The following PDIA4 variants were observed in gnomAD, a reference collection of about 807,000 sequenced individuals.
PDIA4 encodes protein disulfide isomerase family A member 4, also known as protein disulfide-isomerase A4.
In PDIA4, 33 loss-of-function variants were observed where a neutral mutation model predicts 62.1. The observed-to-expected ratio is 0.53, with a 90% CI of 0.40 to 0.71. The LOEUF is 0.71. PDIA4 is among the 30% of genes least tolerant of loss of function. The pLI, the probability that PDIA4 is intolerant of heterozygous loss-of-function variation, is 0.00. For synonymous variants in PDIA4, 341 were observed against 324.1 expected (o/e 1.05, Z -0.56); for missense variants, 804 against 813.6 (o/e 0.99, Z 0.14).
chr7:149,027,790 C>CA, intron 1 of PDIA4: 1 of 460,778 alleles, frequency 2.2e-6, no homozygotes, highest in Admixed American at 2.4e-5. Flanking sequence ...CTCAAAGGTG[C>CA]AAACCAAGCC....
rs369248381 is a variant in PDIA4, at chr7:149,012,178, T to C, written c.797A>G (p.Tyr266Cys). 7.4e-6 allele frequency: 12 copies of C among 1,614,170 alleles called. No individual in the cohort carries two copies. Among genetic ancestry groups the C allele is most frequent in the African/African-American group, 1.3e-5 (1 of 75,022 alleles). The change falls in exon 5 of 10, where the codon TAC becomes TGC. Residue 266 changes from tyrosine (Y) to cysteine (C), a missense_variant. Tyr to Cys is a radical substitution (Grantham distance 194). Coordinates refer to ENST00000652332, the MANE Select transcript of PDIA4 (RefSeq NM_004911.5). The stretch of plus-strand genomic sequence containing the variant: ...ACCATATTTTTCTCGTGGGCCGTTG[T>C]AGTCATAAGGCCTTCCTTTGCGGAA... ...KIFRKGRPYD[Y>C]NGPREKYGIV... is the part of the protein sequence containing the mutation.
chr7:149,011,202 A>G (rs1823932399), intron 6 of PDIA4, among the ~76,000 whole-genome samples: 1 of 152,144 alleles, frequency 6.6e-6, no homozygotes, highest in Non-Finnish European at 1.5e-5. Flanking sequence ...GAAGACATCA[A>G]TGAGGATGGC....
Position 149,028,308 on chromosome 7 carries a change from G to C in PDIA4, c.88+13C>G, listed in dbSNP as rs1016395273. 11 of 1,513,450 alleles carry C rather than the reference G, an allele frequency of 7.3e-6. No homozygotes were observed. The African/African-American group carries it at 1.2e-4, about 16-fold the overall frequency. 93.8% of individuals were successfully genotyped at this position (1,513,450 alleles called of 1,614,324 possible). Reference sequence around the variant, plus strand: ...GCAAGCACAGCCCGACCCGCGGCGCGCTTGCCGCTCACCCTCGTCCGGGCC... The same window carrying C: ...GCAAGCACAGCCCGACCCGCGGCGCCCTTGCCGCTCACCCTCGTCCGGGCC... On this transcript the variant is annotated intron_variant, in intron 1 of 9. Coordinates refer to ENST00000652332, the MANE Select transcript of PDIA4 (RefSeq NM_004911.5).
chr7:149,014,192 A>T (rs1585420086), intron 4 of PDIA4, among the ~76,000 whole-genome samples: 1 of 151,746 alleles, frequency 6.6e-6, no homozygotes, highest in African/African-American at 2.4e-5. Flanking sequence ...CCCAAACCTG[A>T]CCCCACAGTG....
Position 149,003,719 on chromosome 7 carries a change from G to T in PDIA4, c.*75C>A. The stretch of plus-strand genomic sequence containing the variant: ...TCCGAGATACTGTCGTTTGTTGCCG[G>T]CCTCGGCGTGGACGCCCCGACCATG... On this transcript the variant is annotated 3_prime_UTR_variant, in exon 10 of 10. Coordinates refer to ENST00000652332, the MANE Select transcript of PDIA4 (RefSeq NM_004911.5). 8.8e-7 allele frequency: 1 copy of T among 1,142,394 alleles called. No homozygotes were observed. Among genetic ancestry groups the T allele is most frequent in the Non-Finnish European group, 1.2e-6 (1 of 838,650 alleles). The allele number at this position is 1,142,394 out of a possible 1,614,324, so 70.8% of individuals were successfully genotyped here. A position where few individuals can be genotyped will look rare whatever the true frequency, so the allele number is the denominator to read the frequency against.
At chr7:149,024,024 A>G (rs1490351460) in intron 1 of PDIA4, among the ~76,000 whole-genome samples, 3 of 152,192 alleles carry the variant, frequency 2.0e-5, no homozygotes, top group Non-Finnish European at 4.4e-5. Flanking sequence ...AAGAGGGTGG[A>G]TCATCTGAGG....
chr7:149,015,524 A>C (rs1354963003), intron 3 of PDIA4, among the ~76,000 whole-genome samples: 1 of 151,118 alleles, frequency 6.6e-6, no homozygotes. Context: ...AAAAATTTAA[A>C]AGAGGAGCAG....
chr7:149,014,881 G>T lies in PDIA4; in HGVS notation c.614+23C>A, dbSNP rs199899371. 1.0e-4 allele frequency: 164 copies of T among 1,612,886 alleles called. 3 individuals carry two copies. The Middle Eastern group carries it at 1.2e-3, about 11-fold the overall frequency. The stretch of plus-strand genomic sequence containing the variant: ...AGTGCCCACCAGGGTACTGAATATG[G>T]AAAGGGCCTGACACCACCTTACCAT... On this transcript the variant is annotated intron_variant, in intron 4 of 9. Transcript: ENST00000652332.
chr7:149,018,004 C>T (rs750911613), intron 3 of PDIA4, among the ~76,000 whole-genome samples: 3 of 152,070 alleles, frequency 2.0e-5, no homozygotes, highest in Non-Finnish European at 4.4e-5. Context: ...CCAAAGCGGG[C>T]GGATCACGAG....
At chr7:149,021,294 G>C (rs1585428854) in intron 1 of PDIA4, 147 bp from the exon 2 acceptor site, 1 of 725,320 alleles carries the variant, frequency 1.4e-6, no homozygotes, top group South Asian at 1.9e-5. Flanking sequence ...TTCAAGACCA[G>C]CCTGGCCAAT....
intron 3 of PDIA4, 120 bp from the exon 4 acceptor site, chr7:149,015,162 G>A (rs1824084702): frequency 1.0e-5 from 10 of 1,001,722 alleles, no homozygotes; most frequent in Admixed American, 7.8e-5. Flanking sequence ...AGAACAGGAG[G>A]TGTCTGATTT....
intron 6 of PDIA4, among the ~76,000 whole-genome samples, chr7:149,010,115 C>A (rs955166396): frequency 1.3e-5 from 2 of 152,136 alleles, no homozygotes; most frequent in Non-Finnish European, 2.9e-5. Flanking sequence ...GGTTTGTGAC[C>A]TACTAACTGC....
At chr7:149,015,649 C>T (rs866238520) in intron 3 of PDIA4, among the ~76,000 whole-genome samples, 3 of 152,176 alleles carry the variant, frequency 2.0e-5, no homozygotes, top group African/African-American at 7.2e-5. Context: ...ACAATAAATT[C>T]GTACAAAAAA....
rs773031477 is a variant in PDIA4, at chr7:149,006,003, C to T, written c.1182G>A (p.Leu394=). 2 of 1,551,280 alleles carry T rather than the reference C, an allele frequency of 1.3e-6. No individual in the cohort carries two copies. Among genetic ancestry groups the T allele is most frequent in the South Asian group, 1.2e-5 (1 of 80,550 alleles). Residue 394 remains leucine, a synonymous_variant, in exon 8 of 10, where the codon CTG becomes CTA. Transcript: ENST00000652332. ...AIKDFVLKYA[L]PLVGHRKVSN... ...ACACCTTGCGGTGGCCAACCAGGGGCAGGGCGTACTTCAGCACGAAGTCCT... is the reference window on the plus strand; with the variant it reads ...ACACCTTGCGGTGGCCAACCAGGGGTAGGGCGTACTTCAGCACGAAGTCCT...
intron 2 of PDIA4, among the ~76,000 whole-genome samples, chr7:149,020,000 G>A (rs769601634): frequency 9.2e-4 from 140 of 152,026 alleles, no homozygotes; most frequent in Non-Finnish European, 1.7e-3. Context: ...TTGCTCTGTC[G>A]CCCAGGCTGG....
At chr7:149,023,989 A>C (rs6965440) in intron 1 of PDIA4, among the ~76,000 whole-genome samples, 33,848 of 152,086 alleles carry the variant, frequency 0.22, 4,393 homozygotes, top group African/African-American at 0.35. Flanking sequence ...GATCACGCCT[A>C]TAATCCCAGC....
At chr7:149,025,556 T>A (rs1187413477) in intron 1 of PDIA4, among the ~76,000 whole-genome samples, 1 of 152,214 alleles carries the variant, frequency 6.6e-6, no homozygotes, top group Non-Finnish European at 1.5e-5. Context: ...TAAGGGAGAC[T>A]GTATTACACG....
chr7:149,013,990 A>C (rs1824040385), intron 4 of PDIA4, among the ~76,000 whole-genome samples: 1 of 152,096 alleles, frequency 6.6e-6, no homozygotes, highest in South Asian at 2.1e-4. Flanking sequence ...CCAGCATCGC[A>C]AGGGGGTTAG....
At chr7:149,020,358 A>T (rs1430860087) in intron 2 of PDIA4, among the ~76,000 whole-genome samples, 1 of 152,224 alleles carries the variant, frequency 6.6e-6, no homozygotes, top group African/African-American at 2.4e-5. Context: ...GTGAAACAGA[A>T]AGGGCATGAG....
Sources: allele counts gnomAD v4.1 joint callset (sites outside exome capture counted in the v4.1 genomes callset), GRCh38; gene constraint gnomAD v4.1.1; transcripts MANE v1.5; gene names NCBI Gene and HGNC (gene_info 2026-07-23, HGNC 2026-07-21).